Variants in HS6ST2 observed in about 807,000 individuals in gnomAD.
HS6ST2 encodes heparan sulfate 6-O-sulfotransferase 2.
A neutral mutation model predicts 33.0 loss-of-function variants in HS6ST2; 17 were observed. The observed-to-expected ratio is 0.52, with a 90% CI of 0.35 to 0.77. The LOEUF is 0.77. HS6ST2 is among the 30% of genes least tolerant of loss of function. The pLI is 0.01. For synonymous variants in HS6ST2, 248 were observed against 237.1 expected (o/e 1.05, Z -0.42); for missense variants, 519 against 551.7 (o/e 0.94, Z 0.59).
intron 3 of HS6ST2, among the ~76,000 whole-genome samples, chrX:132,693,826 C>T (rs1417513381): frequency 9.0e-6 from 1 of 111,309 alleles, no homozygotes. Flanking sequence ...TCTTATCTCC[C>T]TAAGACACTG....
chrX:132,722,047 G>A (rs2064334603), intron 2 of HS6ST2, among the ~76,000 whole-genome samples: 1 of 108,980 alleles, frequency 9.2e-6, no homozygotes, highest in African/African-American at 3.3e-5. Flanking sequence ...AATTAGCCGG[G>A]CGTGTTGGCG....
intron 2 of HS6ST2, among the ~76,000 whole-genome samples, chrX:132,951,795 C>T (rs757138620): frequency 2.7e-5 from 3 of 112,349 alleles, no homozygotes; most frequent in African/African-American, 9.7e-5. Context: ...CAAACTACAA[C>T]ATAACAGATG....
chrX:132,702,156 C>T (rs2064149447), intron 3 of HS6ST2, among the ~76,000 whole-genome samples: 1 of 112,227 alleles, frequency 8.9e-6, no homozygotes, highest in Admixed American at 9.4e-5. Context: ...ATTTTGGCTC[C>T]GTCTCTGAAA....
At chrX:132,889,505 C>T (rs985186278) in intron 2 of HS6ST2, among the ~76,000 whole-genome samples, 2 of 110,881 alleles carry the variant, frequency 1.8e-5, no homozygotes, top group Non-Finnish European at 3.8e-5. Context: ...CTGGGAATAC[C>T]AAGAGCAGAT....
intron 2 of HS6ST2, among the ~76,000 whole-genome samples, chrX:132,732,116 G>A (rs2064464392): frequency 1.8e-5 from 2 of 111,949 alleles, no homozygotes; most frequent in African/African-American, 3.2e-5. Context: ...ATTGTTTTCT[G>A]GCCTTTACGT....
chrX:132,948,753 C>T (rs762857493), intron 2 of HS6ST2, among the ~76,000 whole-genome samples: 45 of 112,374 alleles, frequency 4.0e-4, no homozygotes, highest in Non-Finnish European at 6.8e-4. Context: ...AGAGGACATA[C>T]GCCATTAAGT....
chrX:132,950,412 T>C (rs2148503397), intron 2 of HS6ST2, among the ~76,000 whole-genome samples: 1 of 112,645 alleles, frequency 8.9e-6, no homozygotes, highest in South Asian at 3.6e-4. Flanking sequence ...GTTTACACTA[T>C]TTATTTCCAA....
intron 3 of HS6ST2, among the ~76,000 whole-genome samples, chrX:132,673,581 CT>C (rs1844324326): frequency 8.9e-6 from 1 of 112,332 alleles, no homozygotes; most frequent in South Asian, 3.8e-4. Context: ...TAAGTGATAA[CT>C]GAGATGAAAC....
rs570767213 is a variant in HS6ST2, at chrX:132,817,677, G to A, written c.948-109183C>T. On this transcript the variant is annotated intron_variant, in intron 2 of 4. Coordinates refer to ENST00000370833, the MANE Select transcript of HS6ST2 (RefSeq NM_001394073.1). The stretch of plus-strand genomic sequence containing the variant: ...ATCAATAAACATCCCATTATGTGTC[G>A]GGCACTGTGCTGGAGATATGCAAGT... 4.5e-5 allele frequency among the ~76,000 whole-genome samples: 5 copies of A among 111,418 alleles called. No individual in the cohort carries two copies. The South Asian group carries it at 1.1e-3, about 26-fold the overall frequency.
At chrX:132,878,243 G>T (rs759579720) in intron 2 of HS6ST2, among the ~76,000 whole-genome samples, 1 of 111,855 alleles carries the variant, frequency 8.9e-6, no homozygotes, top group Non-Finnish European at 1.9e-5. Flanking sequence ...CCTCACAATT[G>T]AATACCAGGG....
chrX:132,628,204 A>G lies in HS6ST2; in HGVS notation c.*19T>C. 1 of 1,083,498 alleles carries G rather than the reference A, an allele frequency of 9.2e-7. No individual in the cohort carries two copies. Among genetic ancestry groups the G allele is most frequent in the Non-Finnish European group, 1.2e-6 (1 of 802,102 alleles). 89.3% of individuals were successfully genotyped at this position (1,083,498 alleles called of 1,213,427 possible). A position where few individuals can be genotyped will look rare whatever the true frequency, so the allele number is the denominator to read the frequency against. ...CAGTGGCGCTTTGGGAGAAGTATGTACAGGCCTTTTTGAGCCATTTAACGC... is the reference window on the plus strand; with the variant it reads ...CAGTGGCGCTTTGGGAGAAGTATGTGCAGGCCTTTTTGAGCCATTTAACGC... On this transcript the variant is annotated 3_prime_UTR_variant, in exon 5 of 5. Transcript: ENST00000370833.
intron 3 of HS6ST2, 92 bp from the exon 4 acceptor site, chrX:132,669,291 C>G: frequency 2.9e-6 from 2 of 685,589 alleles, no homozygotes; most frequent in South Asian, 3.1e-5. Flanking sequence ...CTCTCAAGGC[C>G]AGCCTGCATA....
At position 132,868,995 on chromosome X, in the gene HS6ST2, A is replaced by ATTT. The variant is rs58391917; in HGVS notation, c.947+87810_947+87812dup. On this transcript the variant is annotated intron_variant, in intron 2 of 4. Transcript: ENST00000370833. ...CAAAAAATCAATGAATCCAGGAGGT[A>ATTT]TTTTTTTTTTAAAGACTAACAAAAT... 5.6e-3 allele frequency among the ~76,000 whole-genome samples: 589 copies of ATTT among 104,348 alleles called. 1 individual carries two copies. Among genetic ancestry groups the ATTT allele is most frequent in the Non-Finnish European group, 7.5e-3 (382 of 50,874 alleles). The allele number at this position is 104,348 out of a possible 115,157, so 90.6% of individuals were successfully genotyped here.
intron 4 of HS6ST2, among the ~76,000 whole-genome samples, chrX:132,664,943 A>G (rs959487662): frequency 8.0e-5 from 9 of 111,870 alleles, no homozygotes; most frequent in African/African-American, 2.6e-4. Flanking sequence ...TGGTTGGCTG[A>G]TTCGAGAGAG....
chrX:132,637,863 T>TATATTATATATAATATTATATATA (rs2063568228), intron 4 of HS6ST2, among the ~76,000 whole-genome samples: 2 of 35,224 alleles, frequency 5.7e-5, no homozygotes, highest in African/African-American at 5.6e-4. Context: ...ATATATATAA[T>TATATTATATATAATATTATATATA]ATATTATATA....
chrX:132,757,698 A>G (rs2064769863), intron 2 of HS6ST2, among the ~76,000 whole-genome samples: 1 of 111,728 alleles, frequency 9.0e-6, no homozygotes, highest in Admixed American at 9.5e-5. Context: ...TGATTTAGGC[A>G]GTGCTTTAGT....
At chrX:132,862,107 A>G (rs1569497909) in intron 2 of HS6ST2, among the ~76,000 whole-genome samples, 1 of 112,089 alleles carries the variant, frequency 8.9e-6, no homozygotes, top group Non-Finnish European at 1.9e-5. Flanking sequence ...TTCCCAAGTC[A>G]TTAGTTAAAT....
chrX:132,707,658 A>G (rs1468376920), intron 3 of HS6ST2, among the ~76,000 whole-genome samples: 1 of 112,326 alleles, frequency 8.9e-6, no homozygotes, highest in African/African-American at 3.2e-5. Flanking sequence ...TTCTGGAGCC[A>G]ATAAGCCTAC....
intron 2 of HS6ST2, among the ~76,000 whole-genome samples, chrX:132,856,543 A>G (rs1295046247): frequency 8.9e-6 from 1 of 111,850 alleles, no homozygotes; most frequent in Non-Finnish European, 1.9e-5. Flanking sequence ...TTTTCTTCAG[A>G]TTCCTTAAAG....
Sources: allele counts gnomAD v4.1 joint callset (sites outside exome capture counted in the v4.1 genomes callset), GRCh38; gene constraint gnomAD v4.1.1; transcripts MANE v1.5; gene names NCBI Gene and HGNC (gene_info 2026-07-23, HGNC 2026-07-21).